ADAM9: variants seen among roughly 807,000 people sequenced by gnomAD.
ADAM9 encodes disintegrin and metalloproteinase domain-containing protein 9.
Under a neutral mutation model 108.1 loss-of-function variants are expected in ADAM9, and 54 were observed. That is an observed-to-expected ratio of 0.50 (90% CI 0.40 to 0.63). ADAM9 has a LOEUF of 0.63. Among genes scored for constraint, ADAM9 ranks in the 20% least tolerant of loss-of-function variants. ADAM9 has a pLI of 0.00. For missense variants in ADAM9, 830 were observed against 997.7 expected (o/e 0.83, Z 2.26); for synonymous variants, 316 against 336.0 (o/e 0.94, Z 0.65).
chr8:39,040,043 C>T (rs1441257860), intron 11 of ADAM9, among the ~76,000 whole-genome samples: 1 of 152,056 alleles, frequency 6.6e-6, no homozygotes, highest in African/African-American at 2.4e-5. Flanking sequence ...CTTGTCATCT[C>T]TTTTATTTAT....
At chr8:39,033,443 A>G (rs1343246881) in intron 11 of ADAM9, among the ~76,000 whole-genome samples, 3 of 151,578 alleles carry the variant, frequency 2.0e-5, no homozygotes, top group Non-Finnish European at 4.4e-5. Flanking sequence ...AGGACTACCA[A>G]TCTGATATTG....
chr8:39,025,388 C>G (rs919770058), intron 9 of ADAM9, among the ~76,000 whole-genome samples: 1 of 152,198 alleles, frequency 6.6e-6, no homozygotes. Flanking sequence ...TGAGCCACCA[C>G]GTCTGGCCCA....
intron 12 of ADAM9, among the ~76,000 whole-genome samples, chr8:39,045,485 T>C (rs553177541): frequency 3.4e-5 from 5 of 148,772 alleles, no homozygotes; most frequent in African/African-American, 1.3e-4. Flanking sequence ...CACACCTATA[T>C]GTGCGTGTGT....
chr8:39,036,729 A>G (rs7836006), intron 11 of ADAM9, among the ~76,000 whole-genome samples: 123,225 of 152,162 alleles, frequency 0.81, 50,054 homozygotes, highest in East Asian at 0.95. Context: ...TTTTCACTGT[A>G]GCCTCTAAAG....
At chr8:39,023,608 T>C (rs1836819048) in intron 9 of ADAM9, among the ~76,000 whole-genome samples, 1 of 152,080 alleles carries the variant, frequency 6.6e-6, no homozygotes, top group African/African-American at 2.4e-5. Context: ...CATTTTGACC[T>C]CCTGTGTGTC....
intron 14 of ADAM9, among the ~76,000 whole-genome samples, chr8:39,062,637 G>A (rs1409983288): frequency 1.3e-5 from 2 of 152,152 alleles, no homozygotes; most frequent in Admixed American, 1.3e-4. Flanking sequence ...GCCTTTGGTG[G>A]TTGAATGTTG....
chr8:39,054,924 G>T lies in ADAM9; in HGVS notation c.1395+351G>T, dbSNP rs537706005. On this transcript the variant is annotated intron_variant, in intron 13 of 21. Transcript: ENST00000487273. ...GTTGATAATTTGTTAATATAATCACGTTTTTTCTATACAAATGTGAGTGTA... is the reference window on the plus strand; with the variant it reads ...GTTGATAATTTGTTAATATAATCACTTTTTTTCTATACAAATGTGAGTGTA... Among the ~76,000 whole-genome samples, 10 of 152,072 alleles carry T rather than the reference G, an allele frequency of 6.6e-5. 1 individual carries two copies. The highest frequency in any genetic ancestry group is 2.0e-4 in the Admixed American group (3 of 15,272).
At chr8:39,062,594 A>T (rs1425961821) in intron 14 of ADAM9, among the ~76,000 whole-genome samples, 1 of 152,144 alleles carries the variant, frequency 6.6e-6, no homozygotes, top group African/African-American at 2.4e-5. Flanking sequence ...GCTCTCCATT[A>T]TGCCAACCTT....
At chr8:39,091,148 C>T in intron 19 of ADAM9, 111 bp from the exon 20 acceptor site, 11 of 990,390 alleles carry the variant, frequency 1.1e-5, no homozygotes, top group Non-Finnish European at 1.4e-5. Context: ...TTATCATCCC[C>T]ACCACTACCA....
intron 14 of ADAM9, among the ~76,000 whole-genome samples, chr8:39,060,685 A>G (rs1838271456): frequency 6.6e-6 from 1 of 152,232 alleles, no homozygotes. Flanking sequence ...TGACAAGAAT[A>G]GTTGCTGTTT....
chr8:39,046,011 TTTC>T (rs1261885243), intron 12 of ADAM9, among the ~76,000 whole-genome samples: 1 of 152,122 alleles, frequency 6.6e-6, no homozygotes, highest in Non-Finnish European at 1.5e-5. Flanking sequence ...GCTGCTTGTA[TTTC>T]TTCTTCTGAG....
intron 14 of ADAM9, among the ~76,000 whole-genome samples, chr8:39,070,775 A>G (rs1196656182): frequency 6.6e-6 from 1 of 151,126 alleles, no homozygotes; most frequent in Non-Finnish European, 1.5e-5. Flanking sequence ...AAAAAAAAAA[A>G]GGGAAAGCAA....
rs756401597 is a variant in ADAM9, at chr8:39,026,276, C to A, written c.996+392C>A. Among the ~76,000 whole-genome samples the A allele has an allele frequency of 3.2e-4, 49 of 152,164 alleles. 2 individuals carry two copies. Among genetic ancestry groups the A allele is most frequent in the Admixed American group, 1.0e-3 (16 of 15,272 alleles). On this transcript the variant is annotated intron_variant, in intron 10 of 21. Coordinates refer to ENST00000487273, the MANE Select transcript of ADAM9 (RefSeq NM_003816.3). The stretch of plus-strand genomic sequence containing the variant: ...CCTTGCTCCCCACCTCCCGACAGGC[C>A]CCGGTGTGTGATGTTCCCCTCCCTG...
intron 4 of ADAM9, chr8:39,015,130 G>GC (rs1836485629): frequency 6.6e-6 from 1 of 152,382 alleles, no homozygotes; most frequent in Non-Finnish European, 1.5e-5. Flanking sequence ...ACTTTCTTCA[G>GC]ACATACACTG....
intron 14 of ADAM9, among the ~76,000 whole-genome samples, chr8:39,057,289 A>T (rs941996069): frequency 6.6e-6 from 1 of 151,072 alleles, no homozygotes; most frequent in African/African-American, 2.4e-5. Flanking sequence ...ATTACTGTAG[A>T]TATTACTGTA....
rs1291519268 is a variant in ADAM9 at position 39,066,738 on chromosome 8, A to G, written c.1592-4560A>G. On this transcript the variant is annotated intron_variant, in intron 14 of 21. Coordinates refer to ENST00000487273, the MANE Select transcript of ADAM9 (RefSeq NM_003816.3). ...CTGATGGTAGTTTCTTTTGCTGTGC[A>G]GAAGCTCTTTAGTTTAATTAGATCC... Among the ~76,000 whole-genome samples the G allele has an allele frequency of 4.6e-5, 7 of 152,196 alleles. No individual in the cohort carries two copies. The East Asian group carries it at 1.3e-3, about 29-fold the overall frequency.
chr8:39,094,037 G>T (rs1839429272), intron 20 of ADAM9, among the ~76,000 whole-genome samples: 1 of 152,228 alleles, frequency 6.6e-6, no homozygotes, highest in East Asian at 1.9e-4. Context: ...CTCCCAAAGT[G>T]CTGGGATTAC....
At chr8:39,038,785 C>T (rs1192314426) in intron 11 of ADAM9, among the ~76,000 whole-genome samples, 1 of 152,174 alleles carries the variant, frequency 6.6e-6, no homozygotes, top group East Asian at 1.9e-4. Context: ...ATAAGGAAGA[C>T]AAGTCTTTCT....
intron 14 of ADAM9, among the ~76,000 whole-genome samples, chr8:39,063,637 G>T (rs866308489): frequency 6.6e-6 from 1 of 152,138 alleles, no homozygotes; most frequent in Non-Finnish European, 1.5e-5. Context: ...CAGGAGAATC[G>T]CTTGAACTTG....
Sources: allele counts gnomAD v4.1 joint callset (sites outside exome capture counted in the v4.1 genomes callset), GRCh38; gene constraint gnomAD v4.1.1; transcripts MANE v1.5; gene names NCBI Gene and HGNC (gene_info 2026-07-23, HGNC 2026-07-21).